ANKRD6: variants seen among roughly 807,000 people sequenced by gnomAD.
ANKRD6 encodes ankyrin repeat domain 6, also known as ankyrin repeat domain-containing protein 6.
Under a neutral mutation model 82.3 loss-of-function variants are expected in ANKRD6, and 56 were observed. The ratio of observed to expected loss-of-function variants is 0.68; its 90% CI spans 0.55 to 0.85. The LOEUF (loss-of-function observed/expected upper bound fraction) is 0.85, where lower values mean the gene tolerates loss of function less well. Among genes scored for constraint, ANKRD6 ranks in the 40% least tolerant of loss-of-function variants. The probability of loss-of-function intolerance (pLI) is 0.00; values close to 1 mark genes in which losing one functional copy is unlikely to be tolerated. For missense variants in ANKRD6, 852 were observed against 907.6 expected, an observed-to-expected ratio of 0.94 and a Z score of 0.79; for synonymous variants, 347 against 352.1, an observed-to-expected ratio of 0.99 and a Z score of 0.16.
chr6:89,545,029 C>T (rs554279328), intron 1 of ANKRD6, among the ~76,000 whole-genome samples: 91 of 151,776 alleles, frequency 6.0e-4, no homozygotes, highest in African/African-American at 1.7e-3. Flanking sequence ...CTGGCTAACA[C>T]GGTGAAACCC....
rs1807522475 is a variant in ANKRD6, at chr6:89,632,148, C to G, written c.*1144C>G. Reference sequence around the variant, plus strand: ...ATCTCCTCAATATCCCATGTATGCACAGAAACTTCAGTTCTATTTCTATAG... The same window carrying G: ...ATCTCCTCAATATCCCATGTATGCAGAGAAACTTCAGTTCTATTTCTATAG... On this transcript the variant is annotated 3_prime_UTR_variant, in exon 16 of 16. Transcript: ENST00000339746. 1 of 152,186 alleles carries G rather than the reference C, an allele frequency of 6.6e-6. No homozygotes were observed. The highest frequency in any genetic ancestry group is 1.5e-5 in the Non-Finnish European group (1 of 68,024). The allele number at this position is 152,186 out of a possible 1,614,324, so 9.4% of individuals were successfully genotyped here.
intron 1 of ANKRD6, among the ~76,000 whole-genome samples, chr6:89,457,891 TGTGATG>T (rs1193966141): frequency 1.3e-5 from 2 of 152,186 alleles, no homozygotes. Context: ...TAACCCTCAA[TGTGATG>T]GTACTAGGAG....
intron 1 of ANKRD6, among the ~76,000 whole-genome samples, chr6:89,543,331 A>G (rs1343330503): frequency 6.6e-6 from 1 of 152,144 alleles, no homozygotes; most frequent in East Asian, 1.9e-4. Context: ...AACCATTTTG[A>G]GGGTCTGCTA....
At chr6:89,532,183 C>T (rs1266791144) in intron 1 of ANKRD6, among the ~76,000 whole-genome samples, 1 of 152,152 alleles carries the variant, frequency 6.6e-6, no homozygotes, top group African/African-American at 2.4e-5. Context: ...TAATGTCATC[C>T]AAAAACACTC....
intron 1 of ANKRD6, among the ~76,000 whole-genome samples, chr6:89,521,073 T>C (rs926716083): frequency 2.6e-5 from 4 of 152,168 alleles, no homozygotes; most frequent in African/African-American, 9.7e-5. Flanking sequence ...TGTTGAGAAA[T>C]AGAGATTTTA....
chr6:89,547,505 G>T (rs1452212209), intron 1 of ANKRD6, among the ~76,000 whole-genome samples: 1 of 152,166 alleles, frequency 6.6e-6, no homozygotes, highest in Non-Finnish European at 1.5e-5. Context: ...CTGGGGGGCA[G>T]CCTGCCCTGC....
At chr6:89,573,444 TG>T (rs753964732) in intron 2 of ANKRD6, among the ~76,000 whole-genome samples, 25 of 152,332 alleles carry the variant, frequency 1.6e-4, no homozygotes, top group South Asian at 6.2e-4. Flanking sequence ...AGTCTTTTCC[TG>T]GGGATATCCC....
rs1044291950 is a variant in ANKRD6, at chr6:89,511,677, G to C, written c.-143-55157G>C. Among the ~76,000 whole-genome samples the C allele has an allele frequency of 2.0e-5, 3 of 152,284 alleles. No homozygotes were observed. In the East Asian group the frequency reaches 5.8e-4, roughly 29 times the overall value. ...TAGAAAGTGCTTAGTGCAATGCCTG[G>C]CCCAGGAAAATGTTTGCTATGGCTT... On this transcript the variant is annotated intron_variant, in intron 1 of 15. Coordinates refer to ENST00000339746, the MANE Select transcript of ANKRD6 (RefSeq NM_001242809.2).
chr6:89,481,181 CA>C (rs1019920603), intron 1 of ANKRD6, among the ~76,000 whole-genome samples: 16 of 152,164 alleles, frequency 1.1e-4, no homozygotes, highest in African/African-American at 3.4e-4. Flanking sequence ...GAGCATCCCC[CA>C]CTTTAGCTCT....
chr6:89,434,409 G>T (rs796609842), intron 1 of ANKRD6, among the ~76,000 whole-genome samples: 7 of 152,302 alleles, frequency 4.6e-5, no homozygotes, highest in African/African-American at 1.7e-4. Context: ...ACACACCTGG[G>T]TCCAAGGTGG....
intron 2 of ANKRD6, among the ~76,000 whole-genome samples, chr6:89,571,519 T>C (rs1419646441): frequency 6.6e-6 from 1 of 152,132 alleles, no homozygotes; most frequent in African/African-American, 2.4e-5. Context: ...TGGTGTTGAG[T>C]TGTAAGAGTT....
chr6:89,490,804 C>T (rs997028684), intron 1 of ANKRD6, among the ~76,000 whole-genome samples: 2 of 152,220 alleles, frequency 1.3e-5, no homozygotes, highest in East Asian at 3.9e-4. Context: ...GTGCCATCTC[C>T]GCTTGGCCTG....
At position 89,543,923 on chromosome 6, in the gene ANKRD6, T is replaced by C. The variant is rs184122077; in HGVS notation, c.-143-22911T>C. Among the ~76,000 whole-genome samples, 270 of 152,362 alleles carry C rather than the reference T, an allele frequency of 1.8e-3. 1 individual carries two copies. Among genetic ancestry groups the C allele is most frequent in the African/African-American group, 6.3e-3 (260 of 41,586 alleles). Reference sequence around the variant, plus strand: ...TTGCCTCTGGTTAATTGTTACCACCTGGCCTCTGCTATTTTGGAATCCTAC... The same window carrying C: ...TTGCCTCTGGTTAATTGTTACCACCCGGCCTCTGCTATTTTGGAATCCTAC... On this transcript the variant is annotated intron_variant, in intron 1 of 15. Coordinates refer to ENST00000339746, the MANE Select transcript of ANKRD6 (RefSeq NM_001242809.2).
intron 1 of ANKRD6, among the ~76,000 whole-genome samples, chr6:89,497,877 C>T (rs1037319222): frequency 6.6e-6 from 1 of 152,150 alleles, no homozygotes; most frequent in African/African-American, 2.4e-5. Context: ...GATCAGTCCC[C>T]ACTACCACCC....
intron 2 of ANKRD6, among the ~76,000 whole-genome samples, chr6:89,585,255 A>G (rs533719529): frequency 2.0e-5 from 3 of 152,320 alleles, no homozygotes; most frequent in East Asian, 3.9e-4. Flanking sequence ...AGCTAACATC[A>G]TATTTGATGG....
chr6:89,542,156 C>G (rs1000956819), intron 1 of ANKRD6, among the ~76,000 whole-genome samples: 3 of 152,186 alleles, frequency 2.0e-5, no homozygotes, highest in African/African-American at 7.2e-5. Flanking sequence ...ACAAACATGC[C>G]TGTGGTGTCA....
rs115355834 is a variant in ANKRD6 at position 89,572,597 on chromosome 6, T to C, written c.120+5501T>C. Among the ~76,000 whole-genome samples the C allele has an allele frequency of 2.6e-3, 398 of 152,342 alleles. 4 individuals are homozygous for C. The highest frequency in any genetic ancestry group is 9.1e-3 in the African/African-American group (380 of 41,576). ...AGCATTGTCATATCCAAGAAATCAT[T>C]GCCAGATCCAATGTCATGAAGCTTT... On this transcript the variant is annotated intron_variant, in intron 2 of 15. Transcript: ENST00000339746.
chr6:89,603,139 CTG>C lies in ANKRD6; in HGVS notation c.318+13_318+14del. 6.3e-7 allele frequency: 1 copy of C among 1,589,570 alleles called. No homozygotes were observed. Among genetic ancestry groups the C allele is most frequent in the Non-Finnish European group, 8.6e-7 (1 of 1,168,534 alleles). On this transcript the variant is annotated intron_variant, in intron 4 of 15. Transcript: ENST00000339746. ...ACAGACAAGACAAGGTGAGTGGACA[CTG>C]AGCTTCCTTACTCCCCAAGGCAAGG...
At chr6:89,612,993 T>C (rs983853861) in intron 6 of ANKRD6, among the ~76,000 whole-genome samples, 1 of 152,260 alleles carries the variant, frequency 6.6e-6, no homozygotes, top group Non-Finnish European at 1.5e-5. Flanking sequence ...ACTCATCTAA[T>C]GCTCTGAACC....
Sources: gnomAD v4.1 joint callset for allele counts (sites outside exome capture counted in the v4.1 genomes callset) on GRCh38, gnomAD v4.1.1 for gene constraint, MANE v1.5 for transcripts, NCBI Gene and HGNC (gene_info 2026-07-23, HGNC 2026-07-21) for gene names.